Variants in ZNF407 observed in about 807,000 individuals in gnomAD.
The protein encoded by ZNF407 is zinc finger protein 407.
ZNF407 carries 17 observed loss-of-function variants against 131.2 expected under a neutral mutation model. That is an observed-to-expected ratio of 0.13 (90% confidence interval 0.09 to 0.19). ZNF407 has a LOEUF of 0.19. ZNF407 is among the 10% of genes least tolerant of loss of function. The pLI, the probability that ZNF407 is intolerant of heterozygous loss-of-function variation, is 1.00. For missense variants in ZNF407, 2,681 were observed against 2,830.6 expected, an observed-to-expected ratio of 0.95 and a Z score of 1.20; for synonymous variants, 1,156 against 1,062.0, an observed-to-expected ratio of 1.09 and a Z score of -1.72.
intron 8 of ZNF407, among the ~76,000 whole-genome samples, chr18:74,947,146 T>A (rs1007580247): frequency 6.6e-6 from 1 of 152,216 alleles, no homozygotes; most frequent in Admixed American, 6.5e-5. Flanking sequence ...GAAATTACCC[T>A]ATTTTTTCTC....
At chr18:74,676,233 A>G (rs1422171472) in intron 3 of ZNF407, among the ~76,000 whole-genome samples, 1 of 151,778 alleles carries the variant, frequency 6.6e-6, no homozygotes, top group African/African-American at 2.4e-5. Flanking sequence ...CTGGGATTAC[A>G]GATGCATGCT....
intron 4 of ZNF407, among the ~76,000 whole-genome samples, chr18:74,819,338 GT>G (rs1970309537): frequency 6.6e-6 from 1 of 152,146 alleles, no homozygotes; most frequent in Non-Finnish European, 1.5e-5. Context: ...AAGGAAGTTT[GT>G]TTTGGTTTCT....
At chr18:74,817,861 T>C (rs1970288840) in intron 4 of ZNF407, among the ~76,000 whole-genome samples, 1 of 152,202 alleles carries the variant, frequency 6.6e-6, no homozygotes, top group South Asian at 2.1e-4. Flanking sequence ...GGTGTTTTTT[T>C]GTGGACCATT....
intron 8 of ZNF407, among the ~76,000 whole-genome samples, chr18:75,038,885 GTTAAC>G (rs1568308624): frequency 1.3e-5 from 2 of 152,240 alleles, no homozygotes; most frequent in African/African-American, 4.8e-5. Context: ...AACAGGGGCT[GTTAAC>G]TTAGGCAGAT....
intron 8 of ZNF407, among the ~76,000 whole-genome samples, chr18:75,049,216 G>A (rs1410474150): frequency 6.6e-6 from 1 of 152,098 alleles, no homozygotes; most frequent in East Asian, 1.9e-4. Context: ...GAAAGTTCAT[G>A]TTGTTTGCAT....
chr18:74,952,152 T>C (rs1478362832), intron 8 of ZNF407, among the ~76,000 whole-genome samples: 2 of 152,032 alleles, frequency 1.3e-5, no homozygotes, highest in Non-Finnish European at 2.9e-5. Context: ...GAGAAGAAAA[T>C]ACTTGATTAT....
intron 3 of ZNF407, among the ~76,000 whole-genome samples, chr18:74,723,792 T>C (rs1568183524): frequency 6.6e-6 from 1 of 152,126 alleles, no homozygotes; most frequent in Non-Finnish European, 1.5e-5. Context: ...CAAATAAAAG[T>C]GAGGAGGGTT....
chr18:75,058,762 C>T (rs958952454), intron 8 of ZNF407, among the ~76,000 whole-genome samples: 14 of 152,136 alleles, frequency 9.2e-5, no homozygotes, highest in East Asian at 5.8e-4. Context: ...AACTGGAGGT[C>T]GATGTACCCA....
chr18:74,921,131 C>A, intron 8 of ZNF407: 1 of 605,468 alleles, frequency 1.7e-6, no homozygotes, highest in Non-Finnish European at 2.1e-6. Flanking sequence ...CGACCACGAC[C>A]ACGGAGTCAA....
chr18:74,697,635 A>G (rs2144813701), intron 3 of ZNF407, among the ~76,000 whole-genome samples: 1 of 152,318 alleles, frequency 6.6e-6, no homozygotes, highest in East Asian at 1.9e-4. Context: ...GAATTGTTTT[A>G]TATATACTAT....
intron 8 of ZNF407, among the ~76,000 whole-genome samples, chr18:75,030,514 G>C (rs1973226949): frequency 6.6e-6 from 1 of 152,186 alleles, no homozygotes; most frequent in Non-Finnish European, 1.5e-5. Flanking sequence ...ATTTCTGCAG[G>C]CTGATAAAGT....
chr18:74,913,322 A>G (rs1055002375), intron 7 of ZNF407, among the ~76,000 whole-genome samples: 1 of 152,242 alleles, frequency 6.6e-6, no homozygotes, highest in African/African-American at 2.4e-5. Flanking sequence ...TCAGTGAAGA[A>G]TCAGTTAGAT....
chr18:74,750,089 A>G lies in ZNF407; in HGVS notation c.4803-31339A>G, dbSNP rs76886031. ...CTTGGCACATATGTAAGCTTCTCAG[A>G]CTGGTTTACATTTTCTCACACTTTT... On this transcript the variant is annotated intron_variant, in intron 3 of 8. Transcript: ENST00000299687. 2.6e-3 allele frequency among the ~76,000 whole-genome samples: 393 copies of G among 152,214 alleles called. 2 individuals carry two copies. Among genetic ancestry groups the G allele is most frequent in the Middle Eastern group, 6.8e-3 (2 of 294 alleles).
chr18:74,635,234 C>T lies in ZNF407; in HGVS notation c.4215C>T (p.Gly1405=). The T allele has an allele frequency of 6.2e-7, 1 of 1,613,896 alleles. No homozygotes were observed. Among genetic ancestry groups the T allele is most frequent in the Non-Finnish European group, 8.5e-7 (1 of 1,179,882 alleles). ...AQGVKKKKSE[G]SSIGESTRIR... is the part of the protein sequence containing the mutation. ...GTGTGAAAAAGAAGAAATCTGAGGG[C>T]AGTTCCATTGGTGAGTCTACACGAA... The change falls in exon 2 of 9, where the codon GGC becomes GGT. Residue 1405 remains glycine (G), a synonymous_variant. Transcript: ENST00000299687. This position sits in a 1 kb window ranked among gnomAD's most constrained non-coding sequence, Gnocchi z 4.7.
intron 8 of ZNF407, among the ~76,000 whole-genome samples, chr18:75,011,827 T>G (rs1181594848): frequency 6.6e-6 from 1 of 152,164 alleles, no homozygotes. Flanking sequence ...GGTATATTTG[T>G]TTGAAATACT....
chr18:74,923,503 C>T (rs903164282), intron 8 of ZNF407, among the ~76,000 whole-genome samples: 7 of 151,918 alleles, frequency 4.6e-5, no homozygotes, highest in African/African-American at 1.7e-4. Context: ...GTGTTTGTTC[C>T]CTGTCTGTCG....
At chr18:74,980,790 A>G (rs1480817787) in intron 8 of ZNF407, among the ~76,000 whole-genome samples, 1 of 152,192 alleles carries the variant, frequency 6.6e-6, no homozygotes, top group Non-Finnish European at 1.5e-5. Flanking sequence ...AAAATCCTGC[A>G]TGAAAGGAAG....
At chr18:74,669,520 T>A (rs1986060139) in intron 3 of ZNF407, among the ~76,000 whole-genome samples, 1 of 152,106 alleles carries the variant, frequency 6.6e-6, no homozygotes, top group South Asian at 2.1e-4. Context: ...GGGCATCCAG[T>A]GTAGAGACCA....
intron 4 of ZNF407, among the ~76,000 whole-genome samples, chr18:74,836,605 C>T (rs937750231): frequency 3.9e-5 from 6 of 152,292 alleles, no homozygotes; most frequent in South Asian, 2.1e-4. Context: ...TCGATGCCTC[C>T]GTTTCTAACC....
Sources: gnomAD v4.1 joint callset for allele counts (sites outside exome capture counted in the v4.1 genomes callset) on GRCh38, gnomAD v4.1.1 for gene constraint, Gnocchi (gnomAD v3.1) non-coding constraint, MANE v1.5 for transcripts, NCBI Gene and HGNC (gene_info 2026-07-23, HGNC 2026-07-21) for gene names.